The following SCARA5 variants were observed in gnomAD, a reference collection of about 807,000 sequenced individuals.
SCARA5 encodes scavenger receptor class A member 5.
Under a neutral mutation model 46.3 loss-of-function variants are expected in SCARA5, and 45 were observed. That is an observed-to-expected ratio of 0.97 (90% CI 0.76 to 1.24). The LOEUF is 1.24. Ranked by LOEUF, SCARA5 falls within the 50% of genes most tolerant of loss-of-function variation. The pLI is 0.00. For missense variants in SCARA5, 680 were observed against 689.0 expected (o/e 0.99, Z 0.15); for synonymous variants, 333 against 306.5 (o/e 1.09, Z -0.90).
intron 2 of SCARA5, among the ~76,000 whole-genome samples, chr8:27,972,060 T>C (rs1215802040): frequency 6.6e-6 from 1 of 152,160 alleles, no homozygotes; most frequent in Non-Finnish European, 1.5e-5. Flanking sequence ...CTCACCCCTG[T>C]AATCCCAGCA....
At chr8:27,966,718 C>A (rs888450977) in intron 2 of SCARA5, among the ~76,000 whole-genome samples, 176 bp from the exon 3 acceptor site, 10 of 152,226 alleles carry the variant, frequency 6.6e-5, no homozygotes, top group African/African-American at 2.4e-4. Context: ...AGGACCATCA[C>A]ATTCAGCCTC....
intron 8 of SCARA5, among the ~76,000 whole-genome samples, chr8:27,878,069 C>G (rs551528127): frequency 2.6e-5 from 4 of 152,202 alleles, no homozygotes; most frequent in Admixed American, 2.0e-4. Flanking sequence ...TCAGGCAAGA[C>G]AGCAGGTACG....
At chr8:27,943,339 A>C (rs1807981439) in intron 3 of SCARA5, among the ~76,000 whole-genome samples, 1 of 152,078 alleles carries the variant, frequency 6.6e-6, no homozygotes, top group Non-Finnish European at 1.5e-5. Context: ...GCTATTCCGG[A>C]GGCTGAGGTG....
rs189204434 is a variant in SCARA5, at chr8:27,911,122, G to A, written c.917-1379C>T. Among the ~76,000 whole-genome samples the A allele has an allele frequency of 4.9e-3, 743 of 152,226 alleles. 3 individuals are homozygous for A. Among genetic ancestry groups the A allele is most frequent in the Non-Finnish European group, 8.7e-3 (593 of 68,014 alleles). On this transcript the variant is annotated intron_variant, in intron 4 of 8. Transcript: ENST00000354914. ...ATGAGCCCTCCCTGCCAACCTCCTC[G>A]TCACTACCAGCTCTAAGGTGGCTCA...
chr8:27,901,603 G>A (rs1807155162), intron 7 of SCARA5, among the ~76,000 whole-genome samples: 1 of 152,140 alleles, frequency 6.6e-6, no homozygotes, highest in South Asian at 2.1e-4. Flanking sequence ...GAATTCCCTG[G>A]AAACATAAGC....
At chr8:27,930,547 C>A (rs1012061224) in intron 3 of SCARA5, among the ~76,000 whole-genome samples, 3 of 152,126 alleles carry the variant, frequency 2.0e-5, no homozygotes, top group African/African-American at 7.2e-5. Context: ...GGATTACAGG[C>A]ATGCGCCACC....
intron 7 of SCARA5, among the ~76,000 whole-genome samples, chr8:27,897,957 G>T (rs1055984432): frequency 6.6e-6 from 1 of 152,244 alleles, no homozygotes; most frequent in Non-Finnish European, 1.5e-5. Flanking sequence ...GGATTCCCAA[G>T]AGGGGCTTCA....
intron 2 of SCARA5, among the ~76,000 whole-genome samples, chr8:27,981,517 C>A (rs1471808207): frequency 6.6e-6 from 1 of 152,234 alleles, no homozygotes; most frequent in African/African-American, 2.4e-5. Context: ...CCCTCACCCA[C>A]CTCCTGCCGG....
Position 27,870,747 on chromosome 8 carries a change from C to G in SCARA5, c.*1187G>C, listed in dbSNP as rs146686957. The G allele has an allele frequency of 1.1e-4, 17 of 152,304 alleles. No individual in the cohort carries two copies. The highest frequency in any genetic ancestry group is 3.6e-4 in the African/African-American group (15 of 41,550). 9.4% of individuals were successfully genotyped at this position (152,304 alleles called of 1,614,324 possible). ...AGGCCCAAGGCCCCTTATTCCTACT[C>G]CCCACCCCCAGAGGTTATAGGGAAT... is the stretch of plus-strand genomic sequence containing the variant. On this transcript the variant is annotated 3_prime_UTR_variant, in exon 9 of 9. Transcript: ENST00000354914.
chr8:27,958,444 G>A (rs1205047381), intron 3 of SCARA5, among the ~76,000 whole-genome samples: 1 of 152,326 alleles, frequency 6.6e-6, no homozygotes, highest in African/African-American at 2.4e-5. Context: ...CTAAGGAAGA[G>A]GCTGGGGGGA....
chr8:27,885,813 G>T (rs901589768), intron 7 of SCARA5, among the ~76,000 whole-genome samples: 2 of 152,276 alleles, frequency 1.3e-5, no homozygotes, highest in Admixed American at 6.5e-5. Flanking sequence ...GATCATGGTG[G>T]GTGCAATGGG....
chr8:27,978,795 G>A (rs1487844913), intron 2 of SCARA5, among the ~76,000 whole-genome samples: 2 of 152,106 alleles, frequency 1.3e-5, no homozygotes, highest in Non-Finnish European at 2.9e-5. Flanking sequence ...ACAGACTTGA[G>A]CCACGGTGCC....
chr8:27,973,571 G>A (rs1006872716), intron 2 of SCARA5, among the ~76,000 whole-genome samples: 1 of 152,170 alleles, frequency 6.6e-6, no homozygotes, highest in African/African-American at 2.4e-5. Context: ...GTAAACTGTA[G>A]AAGCTAATCA....
intron 3 of SCARA5, among the ~76,000 whole-genome samples, chr8:27,962,711 C>T (rs1808311346): frequency 1.3e-5 from 2 of 152,232 alleles, no homozygotes; most frequent in Admixed American, 1.3e-4. Flanking sequence ...CCAACCATTC[C>T]AGCCCTCAGA....
rs535062617 is a variant in SCARA5 at position 27,902,471 on chromosome 8, C to T, written c.1153+2307G>A. ...AAGGTGAATAGAGACCACGCATCCT[C>T]CACAGCATGGGGAACGCCCTGCTGG... On this transcript the variant is annotated intron_variant, in intron 7 of 8. Coordinates refer to ENST00000354914, the MANE Select transcript of SCARA5 (RefSeq NM_173833.6). Among the ~76,000 whole-genome samples the T allele has an allele frequency of 3.9e-5, 6 of 152,316 alleles. No individual in the cohort carries two copies. In the South Asian group the frequency reaches 6.2e-4, roughly 16 times the overall value.
At chr8:27,909,413 G>A (rs943242676) in intron 5 of SCARA5, among the ~76,000 whole-genome samples, 4 of 152,196 alleles carry the variant, frequency 2.6e-5, no homozygotes, top group African/African-American at 7.2e-5. Context: ...GGGCTGGGAA[G>A]GGGCTTCAGG....
At position 27,987,580 on chromosome 8, in the gene SCARA5, G is replaced by T. The variant is rs370783416; in HGVS notation, c.36C>A (p.Ser12Arg). ...ENKAMYLHTV[S>R]DCDTSSICED... The stretch of plus-strand genomic sequence containing the variant: ...CACAGATGGAGCTGGTGTCACAGTC[G>T]CTGACGGTGTGTAGGTACATAGCTT... Residue 12 changes from serine to arginine, a missense_variant, in exon 2 of 9, where the codon AGC becomes AGA. Ser to Arg is a moderately radical substitution (Grantham distance 110). Transcript: ENST00000354914. 1.2e-6 allele frequency: 2 copies of T among 1,613,748 alleles called. No individual in the cohort carries two copies. Among genetic ancestry groups the T allele is most frequent in the Non-Finnish European group, 1.7e-6 (2 of 1,179,780 alleles).
At chr8:27,876,699 G>T (rs527272901) in intron 8 of SCARA5, among the ~76,000 whole-genome samples, 1 of 152,170 alleles carries the variant, frequency 6.6e-6, no homozygotes, top group African/African-American at 2.4e-5. Flanking sequence ...AGAGGGAAGA[G>T]CTGGGGGTGA....
chr8:27,904,825 C>T lies in SCARA5; in HGVS notation c.1106G>A (p.Gly369Asp). Residue 369 changes from glycine to aspartate, a missense_variant, in exon 7 of 9, where the codon GGC becomes GAC. Transcript: ENST00000354914. ...MGMRGFKGDR[G>D]PKGEKGEKGD... ...TTTCTCTCCTTTCTCTCCTTTTGGG[C>T]CTCGGTCACCTAAAACAGAGGAGGA... 2 of 1,609,640 alleles carry T rather than the reference C, an allele frequency of 1.2e-6. No individual in the cohort carries two copies. The highest frequency in any genetic ancestry group is 1.7e-6 in the Non-Finnish European group (2 of 1,177,634).
Sources: allele counts gnomAD v4.1 joint callset (sites outside exome capture counted in the v4.1 genomes callset), GRCh38; gene constraint gnomAD v4.1.1; transcripts MANE v1.5; gene names NCBI Gene and HGNC (gene_info 2026-07-23, HGNC 2026-07-21).